Variants in PINX1 observed in about 807,000 individuals in gnomAD.
PINX1 encodes the protein PIN2 (TERF1) interacting telomerase inhibitor 1.
PINX1 carries 34 observed loss-of-function variants against 25.4 expected under a neutral mutation model. The ratio of observed to expected loss-of-function variants is 1.34; its 90% CI spans 1.02 to 1.78. The LOEUF (loss-of-function observed/expected upper bound fraction) is 1.78, where lower values mean the gene tolerates loss of function less well. Among genes scored for constraint, PINX1 ranks in the 40% most tolerant of loss-of-function variants. The probability of loss-of-function intolerance (pLI) is 0.00; values close to 1 mark genes in which losing one functional copy is unlikely to be tolerated. For synonymous variants in PINX1, 197 were observed against 147.7 expected, an observed-to-expected ratio of 1.33 and a Z score of -2.42; for missense variants, 592 against 404.9, an observed-to-expected ratio of 1.46 and a Z score of -3.97.
At chr8:10,823,146 C>CA (rs2129086677) in intron 5 of PINX1, among the ~76,000 whole-genome samples, 1 of 152,306 alleles carries the variant, frequency 6.6e-6, no homozygotes, top group African/African-American at 2.4e-5. Flanking sequence ...AGATTGAATG[C>CA]TCCTCACTAC....
chr8:10,824,024 T>C (rs771478672), intron 5 of PINX1, among the ~76,000 whole-genome samples: 1 of 152,206 alleles, frequency 6.6e-6, no homozygotes, highest in Non-Finnish European at 1.5e-5. Context: ...ACTAAGTGAA[T>C]GAGTTACAGT....
In PINX1 at chr8:10,764,991, GTCTT is replaced by G. The variant is rs1252926167; in HGVS notation, c.*406_*409del. On this transcript the variant is annotated 3_prime_UTR_variant, in exon 7 of 7. Coordinates refer to ENST00000314787, the MANE Select transcript of PINX1 (RefSeq NM_017884.6). ...CCTCTTAATCCTTTAATTAGGCTGA[GTCTT>G]TCAGAAGAAAGCACCATTCATTGTT... The G allele has an allele frequency of 1.8e-5, 3 of 165,784 alleles. No individual in the cohort carries two copies. The highest frequency in any genetic ancestry group is 2.6e-5 in the Non-Finnish European group (2 of 77,894). The allele number at this position is 165,784 out of a possible 1,614,324, so 10.3% of individuals were successfully genotyped here.
At chr8:10,808,195 T>G (rs1306533486) in intron 6 of PINX1, among the ~76,000 whole-genome samples, 4 of 152,228 alleles carry the variant, frequency 2.6e-5, no homozygotes, top group African/African-American at 9.6e-5. Context: ...ATCAGTAGTT[T>G]GAGTGGTGTA....
chr8:10,794,560 G>A (rs939629870), intron 6 of PINX1, among the ~76,000 whole-genome samples: 4 of 151,964 alleles, frequency 2.6e-5, no homozygotes, highest in South Asian at 2.1e-4. Flanking sequence ...CCAAGTAGCT[G>A]GGATTACAGG....
chr8:10,794,661 G>C (rs980953750), intron 6 of PINX1, among the ~76,000 whole-genome samples: 1 of 152,096 alleles, frequency 6.6e-6, no homozygotes, highest in African/African-American at 2.4e-5. Context: ...TCCTGACCTT[G>C]TGATCCGTCC....
chr8:10,803,690 C>T (rs540895181), intron 6 of PINX1, among the ~76,000 whole-genome samples: 7 of 152,204 alleles, frequency 4.6e-5, no homozygotes, highest in Non-Finnish European at 1.0e-4. Flanking sequence ...CAGATTTATA[C>T]TGCATTATGT....
rs552670963 is a variant in PINX1, at chr8:10,814,695, A to G, written c.471+5498T>C. Among the ~76,000 whole-genome samples the G allele has an allele frequency of 2.0e-5, 3 of 152,372 alleles. No homozygotes were observed. The South Asian group carries it at 6.2e-4, about 32-fold the overall frequency. On this transcript the variant is annotated intron_variant, in intron 6 of 6. Coordinates refer to ENST00000314787, the MANE Select transcript of PINX1 (RefSeq NM_017884.6). ...TATTAGAACGTTTCAAAAGGAAAAG[A>G]CATTTCAAATATCAACCATGATGCT... is the stretch of plus-strand genomic sequence containing the variant.
intron 4 of PINX1, among the ~76,000 whole-genome samples, chr8:10,830,396 CA>C (rs1231562575): frequency 1.3e-5 from 2 of 152,150 alleles, no homozygotes; most frequent in African/African-American, 4.8e-5. Context: ...AGGTAATTAC[CA>C]GCATATTCTG....
At chr8:10,768,207 C>T (rs974354613) in intron 6 of PINX1, among the ~76,000 whole-genome samples, 1 of 152,194 alleles carries the variant, frequency 6.6e-6, no homozygotes, top group African/African-American at 2.4e-5. Flanking sequence ...AGAAGTCTCA[C>T]TGACAGTTTC....
chr8:10,805,960 G>A (rs1286014242), intron 6 of PINX1, among the ~76,000 whole-genome samples: 15 of 47,104 alleles, frequency 3.2e-4, no homozygotes, highest in Non-Finnish European at 5.2e-4. Flanking sequence ...ACAGGAAGGG[G>A]CCACACTAGT....
chr8:10,793,961 G>T (rs1435694996), intron 6 of PINX1, among the ~76,000 whole-genome samples: 1 of 152,184 alleles, frequency 6.6e-6, no homozygotes, highest in Non-Finnish European at 1.5e-5. Flanking sequence ...TTCCACTGGG[G>T]TGTGTAAAAG....
intron 6 of PINX1, among the ~76,000 whole-genome samples, chr8:10,794,980 G>C (rs1035532653): frequency 6.6e-6 from 1 of 152,138 alleles, no homozygotes; most frequent in East Asian, 1.9e-4. Flanking sequence ...TGATAAAGGA[G>C]GGTGACGCTA....
At chr8:10,810,355 G>T (rs912756766) in intron 6 of PINX1, among the ~76,000 whole-genome samples, 2 of 152,152 alleles carry the variant, frequency 1.3e-5, no homozygotes, top group African/African-American at 4.8e-5. Context: ...GACAAGTCGT[G>T]GCTCATGCTG....
intron 4 of PINX1, among the ~76,000 whole-genome samples, chr8:10,826,822 G>A (rs1798064714): frequency 6.6e-6 from 1 of 152,234 alleles, no homozygotes; most frequent in Admixed American, 6.5e-5. Flanking sequence ...ACAGATGAAT[G>A]GTTTCGAGGG....
intron 6 of PINX1, among the ~76,000 whole-genome samples, chr8:10,799,327 C>T (rs1355171346): frequency 1.3e-5 from 2 of 152,142 alleles, no homozygotes; most frequent in African/African-American, 4.8e-5. Context: ...TGTGTTCATG[C>T]TTCACGTGTT....
rs770629229 is a variant in PINX1 at position 10,832,998 on chromosome 8, AC to A, written c.130-15del. The A allele has an allele frequency of 7.8e-5, 120 of 1,539,486 alleles. No individual in the cohort carries two copies. Among genetic ancestry groups the A allele is most frequent in the Non-Finnish European group, 9.5e-5 (106 of 1,117,928 alleles). Reference sequence around the variant, plus strand: ...AGCCCCTAAACCCTGTGGAGATTAAACACAGAGAGTTAGAACATTCCTCTCA... The same window carrying A: ...AGCCCCTAAACCCTGTGGAGATTAAAACAGAGAGTTAGAACATTCCTCTCA... On this transcript the variant is annotated splice_polypyrimidine_tract_variant and intron_variant, in intron 2 of 6. Coordinates refer to ENST00000314787, the MANE Select transcript of PINX1 (RefSeq NM_017884.6).
At chr8:10,837,615 A>T (rs12541110) in intron 1 of PINX1, among the ~76,000 whole-genome samples, 84,799 of 152,044 alleles carry the variant, frequency 0.56, 24,847 homozygotes, top group African/African-American at 0.7. Context: ...CTATTTGGGA[A>T]GTATTTAACC....
intron 6 of PINX1, among the ~76,000 whole-genome samples, chr8:10,813,501 C>T (rs557545099): frequency 7.2e-5 from 11 of 152,150 alleles, no homozygotes; most frequent in East Asian, 3.9e-4. Context: ...AGCGTCTGCT[C>T]GGAATTCATT....
At position 10,839,737 on chromosome 8, in the gene PINX1, C is replaced by G. The variant is rs1418046838; in HGVS notation, c.19+1G>C. 2 of 1,605,164 alleles carry G rather than the reference C, an allele frequency of 1.2e-6. No individual in the cohort carries two copies. The highest frequency in any genetic ancestry group is 1.7e-6 in the Non-Finnish European group (2 of 1,176,002). ...GTCGGGCCTCCGCTTCCGACACTCA[C>G]GTTCAGCCAGCATAGACATGTCGGA... is the stretch of plus-strand genomic sequence containing the variant. On this transcript the variant is annotated splice_donor_variant, in intron 1 of 6. Coordinates refer to ENST00000314787, the MANE Select transcript of PINX1 (RefSeq NM_017884.6). LOFTEE classifies it high-confidence loss of function.
Sources: allele counts gnomAD v4.1 joint callset (sites outside exome capture counted in the v4.1 genomes callset), GRCh38; gene constraint gnomAD v4.1.1; transcripts MANE v1.5; gene names NCBI Gene and HGNC (gene_info 2026-07-23, HGNC 2026-07-21).